The following RORA variants were observed in gnomAD, a reference collection of about 807,000 sequenced individuals.
The protein encoded by RORA is RAR related orphan receptor A, also known as nuclear receptor ROR-alpha.
Under a neutral mutation model 69.5 loss-of-function variants are expected in RORA, and 7 were observed. The observed-to-expected ratio is 0.10, with a 90% CI of 0.06 to 0.19. The LOEUF (loss-of-function observed/expected upper bound fraction) is 0.19. RORA is among the 10% of genes least tolerant of loss of function. The pLI, the probability that RORA is intolerant of heterozygous loss-of-function variation, is 1.00. For synonymous variants in RORA, 261 were observed against 240.8 expected, an observed-to-expected ratio of 1.08 and a Z score of -0.78; for missense variants, 457 against 663.0, an observed-to-expected ratio of 0.69 and a Z score of 3.41.
intron 1 of RORA, among the ~76,000 whole-genome samples, chr15:60,697,578 T>C (rs79968377): frequency 3.3e-5 from 5 of 151,928 alleles, no homozygotes; most frequent in Admixed American, 6.6e-5. Flanking sequence ...TTTTTTTTTT[T>C]CCAAACACTG....
At chr15:60,561,172 C>T (rs1464253627) in intron 2 of RORA, among the ~76,000 whole-genome samples, 1 of 151,022 alleles carries the variant, frequency 6.6e-6, no homozygotes, top group East Asian at 1.9e-4. Context: ...AGCGCCGCCT[C>T]CCGGGTTCAC....
At chr15:61,196,594 A>G (rs984517032) in intron 1 of RORA, among the ~76,000 whole-genome samples, 1 of 152,258 alleles carries the variant, frequency 6.6e-6, no homozygotes, top group African/African-American at 2.4e-5. Flanking sequence ...GCAGCTTTGT[A>G]ATTCCAGTAG....
At chr15:60,916,285 T>G (rs920098531) in intron 1 of RORA, among the ~76,000 whole-genome samples, 2 of 152,204 alleles carry the variant, frequency 1.3e-5, no homozygotes, top group Non-Finnish European at 2.9e-5. Context: ...ACAGATCTGA[T>G]TGGCCAGGGA....
intron 1 of RORA, among the ~76,000 whole-genome samples, chr15:60,899,357 C>T (rs542047967): frequency 1.1e-4 from 17 of 152,232 alleles, no homozygotes; most frequent in Admixed American, 2.0e-4. Flanking sequence ...CCAACATGGA[C>T]GTGGTACCTT....
At chr15:60,800,944 A>G (rs558084692) in intron 1 of RORA, among the ~76,000 whole-genome samples, 1 of 152,218 alleles carries the variant, frequency 6.6e-6, no homozygotes, top group Non-Finnish European at 1.5e-5. Context: ...TTGAGCCTGC[A>G]TTCCCAATAC....
In RORA at chr15:60,828,346, A is replaced by G. The variant is rs554733351; in HGVS notation, c.167-149660T>C. Among the ~76,000 whole-genome samples, 114 of 152,350 alleles carry G rather than the reference A, an allele frequency of 7.5e-4. 1 individual carries two copies. Among genetic ancestry groups the G allele is most frequent in the Admixed American group, 2.1e-3 (32 of 15,304 alleles). On this transcript the variant is annotated intron_variant, in intron 1 of 10. Coordinates refer to ENST00000335670, the MANE Select transcript of RORA (RefSeq NM_134261.3). ...CAATCTAGTAATCAGTTCCAGGTAG[A>G]GAAAGTCTTGGGTTGGGCCCAAAGT...
rs1331264136 is a variant in RORA at position 60,588,482 on chromosome 15, AG to A, written c.197-56632del. Among the ~76,000 whole-genome samples, 15 of 152,000 alleles carry A rather than the reference AG, an allele frequency of 9.9e-5. No individual in the cohort carries two copies. The South Asian group carries it at 1.7e-3, about 17-fold the overall frequency. ...CATCCATCCATCCATCCATCCATCCAGTAACTTTTCTCCAGTAAGTGGCCAT... is the reference window on the plus strand; with the variant it reads ...CATCCATCCATCCATCCATCCATCCATAACTTTTCTCCAGTAAGTGGCCAT... On this transcript the variant is annotated intron_variant, in intron 2 of 10. Transcript: ENST00000335670.
chr15:61,142,692 G>C (rs2079311019), intron 1 of RORA, among the ~76,000 whole-genome samples: 1 of 152,106 alleles, frequency 6.6e-6, no homozygotes, highest in African/African-American at 2.4e-5. Flanking sequence ...GGGATACCAG[G>C]ATCATTCAAG....
At chr15:60,580,659 C>T (rs145342043) in intron 2 of RORA, among the ~76,000 whole-genome samples, 16 of 152,264 alleles carry the variant, frequency 1.1e-4, no homozygotes, top group Non-Finnish European at 1.6e-4. Flanking sequence ...GAAATGAAGA[C>T]GCTGATCTGC....
chr15:60,867,265 T>C (rs1174478046), intron 1 of RORA, among the ~76,000 whole-genome samples: 1 of 152,212 alleles, frequency 6.6e-6, no homozygotes. Context: ...GGAGGGGTAC[T>C]GGCAACTTCG....
At chr15:61,174,761 G>C (rs557283600) in intron 1 of RORA, among the ~76,000 whole-genome samples, 1 of 152,166 alleles carries the variant, frequency 6.6e-6, no homozygotes, top group Non-Finnish European at 1.5e-5. Flanking sequence ...TAGGGAAAGA[G>C]AATTTTACTG....
intron 1 of RORA, among the ~76,000 whole-genome samples, chr15:60,716,075 T>C (rs887341665): frequency 6.6e-6 from 1 of 152,220 alleles, no homozygotes; most frequent in Non-Finnish European, 1.5e-5. Context: ...CTGGAGATCT[T>C]ATTAAATATG....
Position 60,719,722 on chromosome 15 carries a change from T to G in RORA, c.167-41036A>C, listed in dbSNP as rs181516562. 6.0e-4 allele frequency among the ~76,000 whole-genome samples: 92 copies of G among 152,330 alleles called. 1 individual carries two copies. Among genetic ancestry groups the G allele is most frequent in the Non-Finnish European group, 1.0e-4 (7 of 68,036 alleles). On this transcript the variant is annotated intron_variant, in intron 1 of 10. Transcript: ENST00000335670. ...GGTACATATCAGACCCTTAAATTTTTAAACACAGCTTTCATGTTTTTGAGA... is the reference window on the plus strand; with the variant it reads ...GGTACATATCAGACCCTTAAATTTTGAAACACAGCTTTCATGTTTTTGAGA...
chr15:60,818,274 A>T (rs2072844136), intron 1 of RORA, among the ~76,000 whole-genome samples: 1 of 152,234 alleles, frequency 6.6e-6, no homozygotes, highest in Non-Finnish European at 1.5e-5. Flanking sequence ...ATAATATGTT[A>T]AAATGCAAAA....
chr15:61,117,333 C>A (rs1038566964), intron 1 of RORA, among the ~76,000 whole-genome samples: 1 of 152,058 alleles, frequency 6.6e-6, no homozygotes, highest in Non-Finnish European at 1.5e-5. Context: ...TGTTTATCTA[C>A]CATGATTTGA....
At chr15:60,653,603 G>A (rs540188611) in intron 2 of RORA, among the ~76,000 whole-genome samples, 3 of 152,000 alleles carry the variant, frequency 2.0e-5, no homozygotes, top group Non-Finnish European at 4.4e-5. Flanking sequence ...TTACTTTTAC[G>A]GATAAGACTC....
At chr15:60,556,782 A>C (rs2067374014) in intron 2 of RORA, 9 of 1,181,470 alleles carry the variant, frequency 7.6e-6, no homozygotes, top group Non-Finnish European at 9.9e-6. Flanking sequence ...CTTTGATTCA[A>C]ACCTCACTTC....
At chr15:60,903,524 G>A (rs1045821941) in intron 1 of RORA, among the ~76,000 whole-genome samples, 3 of 152,174 alleles carry the variant, frequency 2.0e-5, no homozygotes, top group African/African-American at 7.2e-5. Flanking sequence ...AGTCTCTGTA[G>A]CCCAAAGCAC....
intron 1 of RORA, among the ~76,000 whole-genome samples, chr15:60,874,737 T>C (rs2140439484): frequency 6.6e-6 from 1 of 152,342 alleles, no homozygotes; most frequent in East Asian, 1.9e-4. Context: ...GGACATCCAC[T>C]TATTTTAACC....
Sources: allele counts gnomAD v4.1 joint callset (sites outside exome capture counted in the v4.1 genomes callset), GRCh38; gene constraint gnomAD v4.1.1; transcripts MANE v1.5; gene names NCBI Gene and HGNC (gene_info 2026-07-23, HGNC 2026-07-21).